LRRTM4: variants seen among roughly 807,000 people sequenced by gnomAD.
The protein encoded by LRRTM4 is leucine rich repeat transmembrane neuronal 4.
In LRRTM4, 25 loss-of-function variants were observed where a neutral mutation model predicts 47.6. That is an observed-to-expected ratio of 0.53 (90% CI 0.38 to 0.73). The LOEUF is 0.73. Ranked by LOEUF, LRRTM4 falls within the 30% of genes least tolerant of loss-of-function variation. The pLI is 0.00. For missense variants in LRRTM4, 638 were observed against 713.4 expected, an observed-to-expected ratio of 0.89 and a Z score of 1.20; for synonymous variants, 311 against 269.5, an observed-to-expected ratio of 1.15 and a Z score of -1.51.
intron 3 of LRRTM4, among the ~76,000 whole-genome samples, chr2:77,058,463 G>T (rs1679679832): frequency 6.6e-6 from 1 of 151,936 alleles, no homozygotes. Context: ...GTAGCCTAAC[G>T]TCCTTCTAGC....
chr2:76,905,254 C>A (rs576654010), intron 3 of LRRTM4, among the ~76,000 whole-genome samples: 1 of 152,270 alleles, frequency 6.6e-6, no homozygotes, highest in Non-Finnish European at 1.5e-5. Flanking sequence ...TGGAGTGGAC[C>A]TCTAGCAAAT....
chr2:77,022,815 T>C (rs1295807471), intron 3 of LRRTM4, among the ~76,000 whole-genome samples: 2 of 152,156 alleles, frequency 1.3e-5, no homozygotes, highest in African/African-American at 2.4e-5. Context: ...GGGCTGGCAT[T>C]GAGTGTCTGT....
At chr2:77,013,070 C>G (rs1352985509) in intron 3 of LRRTM4, among the ~76,000 whole-genome samples, 2 of 152,184 alleles carry the variant, frequency 1.3e-5, no homozygotes, top group East Asian at 3.8e-4. Flanking sequence ...GGATAACCTT[C>G]TCTCCACTTT....
At chr2:77,032,079 G>A (rs779930956) in intron 3 of LRRTM4, among the ~76,000 whole-genome samples, 4 of 152,012 alleles carry the variant, frequency 2.6e-5, no homozygotes, top group Non-Finnish European at 5.9e-5. Context: ...ATTAACTTGG[G>A]CCTAGAATTT....
intron 3 of LRRTM4, among the ~76,000 whole-genome samples, chr2:77,482,054 TA>T (rs1196797103): frequency 6.6e-6 from 1 of 152,198 alleles, no homozygotes; most frequent in Non-Finnish European, 1.5e-5. Context: ...AGAAATGTTC[TA>T]AAATTTCAAA....
chr2:77,084,958 T>C (rs1190964396), intron 3 of LRRTM4, among the ~76,000 whole-genome samples: 1 of 152,180 alleles, frequency 6.6e-6, no homozygotes, highest in Non-Finnish European at 1.5e-5. Flanking sequence ...CAAAAATCTA[T>C]TGTAAATTCA....
At chr2:77,208,868 A>T (rs1674214229) in intron 3 of LRRTM4, among the ~76,000 whole-genome samples, 1 of 152,230 alleles carries the variant, frequency 6.6e-6, no homozygotes, top group African/African-American at 2.4e-5. Context: ...GATGTGAATT[A>T]ACCCAGTTGG....
In LRRTM4 at chr2:77,353,627, T is replaced by C. The variant is rs545128958; in HGVS notation, c.1551+164691A>G. Among the ~76,000 whole-genome samples, 4 of 152,264 alleles carry C rather than the reference T, an allele frequency of 2.6e-5. No individual in the cohort carries two copies. The South Asian group carries it at 6.2e-4, about 24-fold the overall frequency. On this transcript the variant is annotated intron_variant, in intron 3 of 3. Coordinates refer to ENST00000409884, the MANE Select transcript of LRRTM4 (RefSeq NM_001134745.3). ...ATAAACATCTATATTTTCATCTACT[T>C]ATTTTATAATCCTTTTTTACCTTTT... is the stretch of plus-strand genomic sequence containing the variant.
At chr2:77,520,999 T>C (rs1443646211) in intron 2 of LRRTM4, among the ~76,000 whole-genome samples, 1 of 152,016 alleles carries the variant, frequency 6.6e-6, no homozygotes, top group Non-Finnish European at 1.5e-5. Context: ...ACCAAATCCC[T>C]AATCTAAAAC....
intron 3 of LRRTM4, among the ~76,000 whole-genome samples, chr2:77,023,581 T>A (rs1184164211): frequency 6.6e-6 from 1 of 152,242 alleles, no homozygotes; most frequent in Non-Finnish European, 1.5e-5. Context: ...TTCTGCCAGG[T>A]ACCCTGAATC....
rs187685240 is a variant in LRRTM4, at chr2:77,055,598, T to G, written c.1552-306682A>C. 3.4e-3 allele frequency among the ~76,000 whole-genome samples: 521 copies of G among 152,270 alleles called. 3 individuals are homozygous for G. The highest frequency in any genetic ancestry group is 6.1e-3 in the Non-Finnish European group (414 of 68,020). On this transcript the variant is annotated intron_variant, in intron 3 of 3. Coordinates refer to ENST00000409884, the MANE Select transcript of LRRTM4 (RefSeq NM_001134745.3). ...CACTTTTACACTGTTGGTAGGACTG[T>G]AAACTAGTTCGACCATTGTGGAAGT...
Position 77,206,532 on chromosome 2 carries a change from TG to T in LRRTM4, c.1551+311785del, listed in dbSNP as rs1171911196. 2.0e-5 allele frequency among the ~76,000 whole-genome samples: 3 copies of T among 152,150 alleles called. No individual in the cohort carries two copies. In the East Asian group the frequency reaches 5.8e-4, roughly 30 times the overall value. Reference sequence around the variant, plus strand: ...CAGAGTCTCGCACAGTCACCCAGGCTGGAGTGCAGTGGCCCAATCTCTGCTC... The same window carrying T: ...CAGAGTCTCGCACAGTCACCCAGGCTGAGTGCAGTGGCCCAATCTCTGCTC... On this transcript the variant is annotated intron_variant, in intron 3 of 3. Transcript: ENST00000409884.
rs201014056 is a variant in LRRTM4, at chr2:76,748,661, C to T, written c.*34G>A. 189 of 1,455,628 alleles carry T rather than the reference C, an allele frequency of 1.3e-4. 1 individual carries two copies. The highest frequency in any genetic ancestry group is 3.2e-4 in the African/African-American group (23 of 72,192). The allele number at this position is 1,455,628 out of a possible 1,614,324, so 90.2% of individuals were successfully genotyped here. On this transcript the variant is annotated 3_prime_UTR_variant, in exon 4 of 4. Coordinates refer to ENST00000409884, the MANE Select transcript of LRRTM4 (RefSeq NM_001134745.3). ...TAAGATGAAGGCCCTCCCTCCCCCCCATGGAGCTCCCCAGTGAGGAGTTGG... is the reference window on the plus strand; with the variant it reads ...TAAGATGAAGGCCCTCCCTCCCCCCTATGGAGCTCCCCAGTGAGGAGTTGG...
At chr2:77,476,964 A>ATGTGAG (rs1553448910) in intron 3 of LRRTM4, among the ~76,000 whole-genome samples, 27 of 143,896 alleles carry the variant, frequency 1.9e-4, no homozygotes, top group South Asian at 4.5e-4. Flanking sequence ...TTTGTAAGAG[A>ATGTGAG]TGTGTGTGTG....
intron 3 of LRRTM4, among the ~76,000 whole-genome samples, chr2:76,888,725 T>C (rs1374583327): frequency 6.6e-6 from 1 of 151,848 alleles, no homozygotes; most frequent in Non-Finnish European, 1.5e-5. Context: ...TGTTTTTCTT[T>C]TAGTACTATG....
At chr2:76,807,437 C>CAT (rs1558667459) in intron 3 of LRRTM4, among the ~76,000 whole-genome samples, 2 of 34,302 alleles carry the variant, frequency 5.8e-5, no homozygotes, top group Non-Finnish European at 9.3e-5. Flanking sequence ...TATATATATA[C>CAT]GTATATACAT....
chr2:76,810,174 A>T (rs1670691478), intron 3 of LRRTM4, among the ~76,000 whole-genome samples: 1 of 151,974 alleles, frequency 6.6e-6, no homozygotes, highest in African/African-American at 2.4e-5. Context: ...GGCACTTCAC[A>T]CTCACTCACT....
At chr2:77,088,338 A>T (rs950450464) in intron 3 of LRRTM4, among the ~76,000 whole-genome samples, 21 of 152,044 alleles carry the variant, frequency 1.4e-4, no homozygotes, top group African/African-American at 2.4e-5. Flanking sequence ...GCCCTGCCCC[A>T]CCTTAACTGA....
At chr2:77,485,468 T>C (rs918930090) in intron 3 of LRRTM4, among the ~76,000 whole-genome samples, 27 of 152,176 alleles carry the variant, frequency 1.8e-4, no homozygotes, top group African/African-American at 6.5e-4. Context: ...TTTTATATAG[T>C]TGTGGACCAA....
Sources: gnomAD v4.1 joint callset for allele counts (sites outside exome capture counted in the v4.1 genomes callset) on GRCh38, gnomAD v4.1.1 for gene constraint, MANE v1.5 for transcripts, NCBI Gene and HGNC (gene_info 2026-07-23, HGNC 2026-07-21) for gene names.